Variants in DMRT1 observed in about 807,000 individuals in gnomAD.
DMRT1 encodes the protein doublesex- and mab-3-related transcription factor 1.
A neutral mutation model predicts 32.3 loss-of-function variants in DMRT1; 7 were observed. The ratio of observed to expected loss-of-function variants is 0.22; its 90% CI spans 0.12 to 0.41. DMRT1 has a LOEUF of 0.41. Among genes scored for constraint, DMRT1 ranks in the 10% least tolerant of loss-of-function variants. The probability of loss-of-function intolerance (pLI) is 1.00; values close to 1 mark genes in which losing one functional copy is unlikely to be tolerated. For missense variants in DMRT1, 625 were observed against 500.5 expected (o/e 1.25, Z -2.37); for synonymous variants, 278 against 206.1 (o/e 1.35, Z -2.99).
intron 3 of DMRT1, among the ~76,000 whole-genome samples, chr9:896,746 G>A (rs1385758501): frequency 6.6e-6 from 1 of 151,774 alleles, no homozygotes; most frequent in Admixed American, 6.6e-5. Flanking sequence ...CCGGGAGGTG[G>A]AGGTTGCAGT....
chr9:887,721 G>T (rs568384267), intron 2 of DMRT1, among the ~76,000 whole-genome samples: 21 of 152,028 alleles, frequency 1.4e-4, no homozygotes, highest in Non-Finnish European at 2.8e-4. Context: ...ATCACTCACC[G>T]TGGCCTTTTC....
At chr9:858,481 T>C (rs1408102725) in intron 2 of DMRT1, among the ~76,000 whole-genome samples, 1 of 152,168 alleles carries the variant, frequency 6.6e-6, no homozygotes, top group Non-Finnish European at 1.5e-5. Flanking sequence ...ACCTACTTAC[T>C]TTTGGAGTCT....
At chr9:908,088 C>G (rs1817842805) in intron 3 of DMRT1, among the ~76,000 whole-genome samples, 1 of 152,188 alleles carries the variant, frequency 6.6e-6, no homozygotes, top group Non-Finnish European at 1.5e-5. Context: ...TAAAGATAAG[C>G]AAAATGGACC....
At chr9:949,676 T>C (rs547719847) in intron 4 of DMRT1, among the ~76,000 whole-genome samples, 11 of 152,348 alleles carry the variant, frequency 7.2e-5, no homozygotes, top group South Asian at 6.2e-4. Context: ...CTAGGACTTA[T>C]CTTGTGTAAC....
intron 4 of DMRT1, among the ~76,000 whole-genome samples, chr9:947,171 A>G (rs115990017): frequency 0.013 from 2,015 of 152,338 alleles, 51 homozygotes; most frequent in African/African-American, 0.046. Flanking sequence ...TCCATCCCAC[A>G]GGACTACAGC....
Position 967,985 on chromosome 9 carries a change from T to G in DMRT1, c.968T>G (p.Val323Gly). 1 of 1,606,646 alleles carries G rather than the reference T, an allele frequency of 6.2e-7. No individual in the cohort carries two copies. The highest frequency in any genetic ancestry group is 8.5e-7 in the Non-Finnish European group (1 of 1,174,878). The change falls in exon 5 of 5, where the codon GTA becomes GGA. Residue 323 changes from valine (V) to glycine (G), a missense_variant and splice_region_variant. This residue lies in a region of DMRT1 where 416 missense variants were observed against 321.6 expected (regional missense o/e 1.29). Transcript: ENST00000382276. ...APSYPEARAS[V>G]FSPPSSQDSG... is the part of the protein sequence containing the mutation. ...CTTTCTCTCTCACCTCACTTCGCAGTATTCTCGCCGCCCAGCAGTCAAGAT... is the reference window on the plus strand; with the variant it reads ...CTTTCTCTCTCACCTCACTTCGCAGGATTCTCGCCGCCCAGCAGTCAAGAT...
intron 3 of DMRT1, among the ~76,000 whole-genome samples, chr9:915,609 T>C (rs1242295853): frequency 6.6e-6 from 1 of 152,182 alleles, no homozygotes; most frequent in Non-Finnish European, 1.5e-5. Context: ...CTCAGACTCC[T>C]GTTCTTGCTG....
chr9:945,193 G>T (rs1382422567), intron 4 of DMRT1, among the ~76,000 whole-genome samples: 1 of 151,824 alleles, frequency 6.6e-6, no homozygotes. Flanking sequence ...TTGCTCTGTT[G>T]CCCAGGCTGG....
chr9:907,608 G>A (rs16925672), intron 3 of DMRT1, among the ~76,000 whole-genome samples: 4,718 of 152,046 alleles, frequency 0.031, 188 homozygotes, highest in East Asian at 0.17. Context: ...TGATTTATAC[G>A]TTGGTGTCTT....
intron 4 of DMRT1, among the ~76,000 whole-genome samples, chr9:963,684 G>C (rs1051444375): frequency 1.3e-5 from 2 of 152,232 alleles, no homozygotes; most frequent in African/African-American, 2.4e-5. Context: ...GCTTCGGACA[G>C]CTAAGATAAT....
chr9:883,041 G>T (rs1287196121), intron 2 of DMRT1, among the ~76,000 whole-genome samples: 1 of 151,712 alleles, frequency 6.6e-6, no homozygotes, highest in Non-Finnish European at 1.5e-5. Flanking sequence ...CAAAGTGCTG[G>T]GATTACAGGC....
rs754862666 is a variant in DMRT1 at position 841,879 on chromosome 9, C to T, written c.41C>T (p.Ser14Leu). The change falls in exon 1 of 5, where the codon TCG becomes TTG. Residue 14 changes from serine (S) to leucine (L), a missense_variant. Ser to Leu is a moderately radical substitution (Grantham distance 145). Transcript: ENST00000382276. Reference protein sequence around the residue: ...DEAFSKPSTPSEAPHAPGVPP... With the variant: ...DEAFSKPSTPLEAPHAPGVPP... ...GCATTCAGCAAGCCCTCTACACCGT[C>T]GGAAGCCCCTCACGCCCCCGGGGTA... The T allele has an allele frequency of 4.3e-6, 7 of 1,612,406 alleles. No individual in the cohort carries two copies. Among genetic ancestry groups the T allele is most frequent in the Non-Finnish European group, 4.2e-6 (5 of 1,179,462 alleles).
At chr9:890,437 C>A (rs539288609) in intron 2 of DMRT1, among the ~76,000 whole-genome samples, 1 of 152,224 alleles carries the variant, frequency 6.6e-6, no homozygotes, top group African/African-American at 2.4e-5. Context: ...TTTACAGGAG[C>A]CTAGCATAGG....
intron 2 of DMRT1, among the ~76,000 whole-genome samples, chr9:866,974 C>T (rs1012947864): frequency 6.6e-6 from 1 of 152,090 alleles, no homozygotes; most frequent in African/African-American, 2.4e-5. Flanking sequence ...TCATGAAGCA[C>T]CTGGGGTTTG....
At chr9:925,772 C>T (rs1818503043) in intron 4 of DMRT1, among the ~76,000 whole-genome samples, 1 of 152,150 alleles carries the variant, frequency 6.6e-6, no homozygotes, top group African/African-American at 2.4e-5. Flanking sequence ...CTATTATCCC[C>T]ATTTGACAGA....
intron 4 of DMRT1, among the ~76,000 whole-genome samples, 155 bp from the exon 5 acceptor site, chr9:967,830 G>T (rs193087227): frequency 1.4e-4 from 21 of 152,274 alleles, no homozygotes; most frequent in African/African-American, 4.8e-4. Context: ...GAGTTTTAAT[G>T]AGTGTCTATA....
intron 2 of DMRT1, among the ~76,000 whole-genome samples, chr9:877,266 T>G (rs992462954): frequency 6.6e-6 from 1 of 152,204 alleles, no homozygotes; most frequent in Non-Finnish European, 1.5e-5. Flanking sequence ...GTGGTCTCGT[T>G]CCCAGGATAT....
chr9:865,681 C>T (rs1815951560), intron 2 of DMRT1, among the ~76,000 whole-genome samples: 1 of 152,054 alleles, frequency 6.6e-6, no homozygotes, highest in South Asian at 2.1e-4. Flanking sequence ...ATTACATAAC[C>T]CATCACATTT....
intron 2 of DMRT1, among the ~76,000 whole-genome samples, chr9:885,008 A>C (rs557689902): frequency 6.6e-6 from 1 of 152,236 alleles, no homozygotes; most frequent in African/African-American, 2.4e-5. Context: ...TCATATTTCC[A>C]TTTGCATCAT....
Sources: gnomAD v4.1 joint callset for allele counts (sites outside exome capture counted in the v4.1 genomes callset) on GRCh38, gnomAD v4.1.1 for gene constraint, gnomAD v4.1.1 regional missense constraint, MANE v1.5 for transcripts, NCBI Gene and HGNC (gene_info 2026-07-23, HGNC 2026-07-21) for gene names.